PKD1: variants seen among roughly 807,000 people sequenced by gnomAD.
The protein encoded by PKD1 is polycystin-1.
Under a neutral mutation model 361.7 loss-of-function variants are expected in PKD1, and 81 were observed. The observed-to-expected ratio is 0.22, with a 90% confidence interval of 0.19 to 0.27. The LOEUF is 0.27. Among genes scored for constraint, PKD1 ranks in the 10% least tolerant of loss-of-function variants. PKD1 has a pLI of 1.00. For missense variants in PKD1, 6,399 were observed against 6,118.3 expected (o/e 1.05, Z -1.53); for synonymous variants, 3,615 against 2,818.3 (o/e 1.28, Z -8.95).
In PKD1 at chr16:2,108,318, G is replaced by A. The variant is rs1324704028; in HGVS notation, c.6849C>T (p.Asp2283=). The change falls in exon 15 of 46, where the codon GAC becomes GAT. Residue 2283 remains aspartate (D), a synonymous_variant. Coordinates refer to ENST00000262304, the MANE Select transcript of PKD1 (RefSeq NM_001009944.3). ...TCTGGTCGCCGTCCTCCAGGTTGGG[G>A]TCGTAGGACTCGCTCCCATCCAGCA... is the stretch of plus-strand genomic sequence containing the variant. The part of the protein sequence containing the change: ...DLVLDGSESY[D]PNLEDGDQTP... 1.9e-6 allele frequency: 3 copies of A among 1,604,184 alleles called. No homozygotes were observed. The highest frequency in any genetic ancestry group is 2.2e-5 in the East Asian group (1 of 44,716).
rs1222665450 is a variant in PKD1, at chr16:2,118,653, T to G, written c.529+23A>C. 8 of 1,331,122 alleles carry G rather than the reference T, an allele frequency of 6.0e-6. No homozygotes were observed. In the Admixed American group the frequency reaches 1.6e-4, roughly 26 times the overall value. 82.5% of individuals were successfully genotyped at this position (1,331,122 alleles called of 1,614,324 possible). A position where few individuals can be genotyped will look rare whatever the true frequency, so the allele number is the denominator to read the frequency against. On this transcript the variant is annotated intron_variant, in intron 4 of 45. Transcript: ENST00000262304. This position sits in a 1 kb window ranked among gnomAD's most constrained non-coding sequence, Gnocchi z 6.0. ...CCCACCTGGCTGGGAAGGACAGAGC[T>G]GGCCCCACCCACCGGCACTCACCAC...
intron 37 of PKD1, 100 bp downstream of exon 37, chr16:2,093,444 T>G: frequency 6.1e-6 from 7 of 1,151,098 alleles, no homozygotes; most frequent in Non-Finnish European, 7.5e-6. Context: ...AAGGGCCTTC[T>G]GAGGTGAGGA....
At position 2,108,938 on chromosome 16, in the gene PKD1, C is replaced by A; in HGVS notation, c.6229G>T (p.Ala2077Ser). ...QSGPCFTNRS[A>S]QFEAATSPSP... Reference sequence around the variant, plus strand: ...GGGCTGGTGGCGGCCTCAAACTGCGCCGAGCGGTTGGTGAAGCAGGGGCCG... The same window carrying A: ...GGGCTGGTGGCGGCCTCAAACTGCGACGAGCGGTTGGTGAAGCAGGGGCCG... Residue 2077 changes from alanine (A) to serine (S), a missense_variant, in exon 15 of 46, where the codon GCG becomes TCG. Coordinates refer to ENST00000262304, the MANE Select transcript of PKD1 (RefSeq NM_001009944.3). 6.2e-7 allele frequency: 1 copy of A among 1,603,132 alleles called. No homozygotes were observed. Among genetic ancestry groups the A allele is most frequent in the East Asian group, 2.3e-5 (1 of 44,342 alleles).
At chr16:2,095,669 C>T (rs1383011909) in intron 34 of PKD1, among the ~76,000 whole-genome samples, 1 of 152,230 alleles carries the variant, frequency 6.6e-6, no homozygotes, top group East Asian at 1.9e-4. Context: ...AGGAAGGACG[C>T]AGAGGGGTCC....
In PKD1 at chr16:2,097,968, C is replaced by T; in HGVS notation, c.10067G>A (p.Ser3356Asn). The T allele has an allele frequency of 1.9e-6, 3 of 1,588,436 alleles. No homozygotes were observed. The highest frequency in any genetic ancestry group is 2.6e-6 in the Non-Finnish European group (3 of 1,162,240). The change falls in exon 31 of 46, where the codon AGC (serine) becomes AAC (asparagine). Residue 3356 changes from serine to asparagine, a missense_variant. Physicochemically the swap from Ser to Asn is conservative, Grantham distance 46 (BLOSUM62 1). Transcript: ENST00000262304. Reference sequence around the variant, plus strand: ...CACCTGCTGCCCGGCAGGTGTGGGGCTCGGGCTCCCAGCCACCTGCAGGAC... The same window carrying T: ...CACCTGCTGCCCGGCAGGTGTGGGGTTCGGGCTCCCAGCCACCTGCAGGAC... ...MSRSKVAGSP[S>N]PTPAGQQVLD...
rs2092046138 is a variant in PKD1, at chr16:2,100,389, C to T, written c.9568+7G>A. 6.2e-7 allele frequency: 1 copy of T among 1,611,266 alleles called. No individual in the cohort carries two copies. The highest frequency in any genetic ancestry group is 8.5e-7 in the Non-Finnish European group (1 of 1,179,750). ...GAGGGGCAGAGCTTGGCAGGGTCCG[C>T]ACAAACCTTTGTTGTCGTGCCACAC... On this transcript the variant is annotated splice_region_variant and intron_variant, in intron 27 of 45. Transcript: ENST00000262304. The surrounding 1 kb of genome is among the most constrained non-coding windows in gnomAD (Gnocchi z 4.4).
At position 2,088,886 on chromosome 16, in the gene PKD1, C is replaced by A. The variant is rs1311531741; in HGVS notation, c.*841G>T. The A allele has an allele frequency of 8.0e-6, 3 of 372,800 alleles. No individual in the cohort carries two copies. The highest frequency in any genetic ancestry group is 5.2e-5 in the South Asian group (2 of 38,232). 23.1% of individuals were successfully genotyped at this position (372,800 alleles called of 1,614,324 possible). On this transcript the variant is annotated 3_prime_UTR_variant, in exon 46 of 46. Coordinates refer to ENST00000262304, the MANE Select transcript of PKD1 (RefSeq NM_001009944.3). ...ACACTCGCGCGTGCGCGCGCGCACA[C>A]ACACACACACACAGTCACCTTCCTC...
At chr16:2,120,664 T>C (rs1278375408) in intron 1 of PKD1, among the ~76,000 whole-genome samples, 2 of 152,190 alleles carry the variant, frequency 1.3e-5, no homozygotes, top group African/African-American at 4.8e-5. Context: ...ATTGTGCCAC[T>C]GCAGTCCAGC....
Position 2,111,144 on chromosome 16 carries a change from C to G in PKD1, c.4023G>C (p.Gly1341=), listed in dbSNP as rs2092492011. 1 of 1,610,942 alleles carries G rather than the reference C, an allele frequency of 6.2e-7. No individual in the cohort carries two copies. The highest frequency in any genetic ancestry group is 8.5e-7 in the Non-Finnish European group (1 of 1,179,774). ...TGAAGTTGTGTGTCACCGTCGGGCA[C>G]CCCCGCACGGTCGTGTTGGAGGAGC... ...GDGSSNTTVR[G]CPTVTHNFTR... The change falls in exon 15 of 46, where the codon GGG becomes GGC. Residue 1341 remains glycine, a synonymous_variant. Transcript: ENST00000262304.
chr16:2,097,681 G>A (rs1792822807), intron 32 of PKD1, 47 bp downstream of exon 32: 2 of 1,610,842 alleles, frequency 1.2e-6, no homozygotes, highest in Admixed American at 1.7e-5. Context: ...CGGCACCCCA[G>A]ACACAGTGAC....
chr16:2,126,583 G>A (rs150241968), intron 1 of PKD1, among the ~76,000 whole-genome samples: 168 of 152,406 alleles, frequency 1.1e-3, no homozygotes, highest in African/African-American at 3.9e-3. Context: ...CACTCTGCAG[G>A]GAGACTGTGG....
intron 1 of PKD1, among the ~76,000 whole-genome samples, chr16:2,126,335 A>T (rs1268764116): frequency 6.6e-6 from 1 of 152,254 alleles, no homozygotes; most frequent in East Asian, 1.9e-4. Flanking sequence ...AGGTGGCCTC[A>T]CAGAAGCCAG....
rs761938194 is a variant in PKD1 at position 2,105,901 on chromosome 16, G to C, written c.7827C>G (p.Ile2609Met). The C allele has an allele frequency of 2.5e-6, 4 of 1,596,448 alleles. No individual in the cohort carries two copies. Among genetic ancestry groups the C allele is most frequent in the African/African-American group, 2.7e-5 (2 of 74,850 alleles). ...CGGTGACCAGGGCCAACGAGTACTC[G>C]ATGACGTGCTGGGGATCGGCCTGCC... The part of the protein sequence containing the change: ...LLRQADPQHV[I>M]EYSLALVTVL... The change falls in exon 20 of 46, where the codon ATC becomes ATG. Residue 2609 changes from isoleucine (I) to methionine (M), a missense_variant. Coordinates refer to ENST00000262304, the MANE Select transcript of PKD1 (RefSeq NM_001009944.3).
chr16:2,108,597 A>G lies in PKD1; in HGVS notation c.6570T>C (p.Tyr2190=), dbSNP rs1199377236. The change falls in exon 15 of 46, where the codon TAT becomes TAC. Residue 2190 remains tyrosine (Y), a synonymous_variant. Transcript: ENST00000262304. ...CCGGCCGCTGGCAGCTGGCGGTGCG[A>G]TACACCTCCCAGCGGTACTCAGTCT... ...TYQTEYRWEV[Y]RTASCQRPGR... 38 of 1,558,270 alleles carry G rather than the reference A, an allele frequency of 2.4e-5. No individual in the cohort carries two copies. The highest frequency in any genetic ancestry group is 3.2e-5 in the Non-Finnish European group (37 of 1,151,800).
chr16:2,110,976 C>A lies in PKD1; in HGVS notation c.4191G>T (p.Glu1397Asp), dbSNP rs1356967038. The stretch of plus-strand genomic sequence containing the variant: ...GCCAGGCACATGCCACCAGCCAGGC[C>A]TCGTCCCCGAGCTGCACAAACTGCC... ...PERQFVQLGD[E>D]AWLVACAWPP... Residue 1397 changes from glutamate (E) to aspartate (D), a missense_variant, in exon 15 of 46, where the codon GAG becomes GAT. Glu to Asp is a conservative substitution (Grantham distance 45, BLOSUM62 2). Coordinates refer to ENST00000262304, the MANE Select transcript of PKD1 (RefSeq NM_001009944.3). 1.8e-5 allele frequency: 29 copies of A among 1,610,398 alleles called. No homozygotes were observed. The East Asian group carries it at 6.5e-4, about 36-fold the overall frequency.
chr16:2,097,126 C>G, intron 34 of PKD1, 22 bp downstream of exon 34: 1 of 1,535,058 alleles, frequency 6.5e-7, no homozygotes, highest in Non-Finnish European at 8.8e-7. Flanking sequence ...AATCCCCCCT[C>G]CCCCGAGAGC....
chr16:2,120,223 A>C (rs1188794790), intron 1 of PKD1: 5 of 247,634 alleles, frequency 2.0e-5, no homozygotes, highest in South Asian at 1.3e-4. Flanking sequence ...AAAATAAATA[A>C]ATACATACAT....
chr16:2,098,353 T>C (rs1484135051), intron 30 of PKD1, among the ~76,000 whole-genome samples: 85 of 151,776 alleles, frequency 5.6e-4, no homozygotes, highest in Admixed American at 1.1e-3. Context: ...GGATTACAGG[T>C]GCCTGCCACC....
chr16:2,100,820 C>G lies in PKD1; in HGVS notation c.9398-254G>C. ...GACATGCAAACATGGCTGCACACGC[C>G]TCAGTCCACACCACAACCAGTGACC... On this transcript the variant is annotated intron_variant, in intron 26 of 45. Coordinates refer to ENST00000262304, the MANE Select transcript of PKD1 (RefSeq NM_001009944.3). The surrounding 1 kb of genome is among the most constrained non-coding windows in gnomAD (Gnocchi z 4.4). The G allele has an allele frequency of 1.8e-6, 1 of 541,908 alleles. No individual in the cohort carries two copies. 33.6% of individuals were successfully genotyped at this position (541,908 alleles called of 1,614,324 possible). A position where few individuals can be genotyped will look rare whatever the true frequency, so the allele number is the denominator to read the frequency against.
Sources: gnomAD v4.1 joint callset for allele counts (sites outside exome capture counted in the v4.1 genomes callset) on GRCh38, gnomAD v4.1.1 for gene constraint, Gnocchi (gnomAD v3.1) non-coding constraint, MANE v1.5 for transcripts, NCBI Gene and HGNC (gene_info 2026-07-23, HGNC 2026-07-21) for gene names.